The following MECOM variants were observed in gnomAD, a reference collection of about 807,000 sequenced individuals.
MECOM encodes histone-lysine N-methyltransferase MECOM.
A neutral mutation model predicts 116.3 loss-of-function variants in MECOM; 13 were observed. That is an observed-to-expected ratio of 0.11 (90% CI 0.07 to 0.18). The LOEUF (loss-of-function observed/expected upper bound fraction) is 0.18, where lower values mean the gene tolerates loss of function less well. Among genes scored for constraint, MECOM ranks in the 10% least tolerant of loss-of-function variants. The pLI is 1.00. For missense variants in MECOM, 1,299 were observed against 1,509.0 expected (o/e 0.86, Z 2.31); for synonymous variants, 528 against 535.2 (o/e 0.99, Z 0.19).
chr3:169,122,784 C>T (rs1731478596), intron 5 of MECOM, 57 bp from the exon 6 acceptor site: 6 of 1,557,052 alleles, frequency 3.9e-6, no homozygotes, highest in Non-Finnish European at 5.3e-6. Context: ...AACGGAACAA[C>T]ATTTTATTGT....
intron 1 of MECOM, among the ~76,000 whole-genome samples, chr3:169,541,138 C>T (rs1760010442): frequency 6.6e-6 from 1 of 152,210 alleles, no homozygotes; most frequent in South Asian, 2.1e-4. Context: ...TATTAAAATG[C>T]AAACCCTGAT....
chr3:169,191,340 G>A (rs1297435981), intron 2 of MECOM, among the ~76,000 whole-genome samples: 2 of 150,112 alleles, frequency 1.3e-5, no homozygotes, highest in African/African-American at 4.9e-5. Context: ...GAGTAAAGAA[G>A]AGCACCTGCC....
At chr3:169,643,048 A>G (rs1262336602) in intron 1 of MECOM, among the ~76,000 whole-genome samples, 3 of 152,184 alleles carry the variant, frequency 2.0e-5, no homozygotes, top group Non-Finnish European at 4.4e-5. Flanking sequence ...GAGAGCAAAA[A>G]ATATCTACAA....
intron 3 of MECOM, among the ~76,000 whole-genome samples, chr3:169,139,155 C>A (rs1368875473): frequency 6.6e-6 from 1 of 152,130 alleles, no homozygotes; most frequent in Non-Finnish European, 1.5e-5. Context: ...GAGGGGCACT[C>A]ATTCTTCTGT....
chr3:169,565,049 A>G (rs1763067191), intron 1 of MECOM, among the ~76,000 whole-genome samples: 1 of 152,170 alleles, frequency 6.6e-6, no homozygotes, highest in Non-Finnish European at 1.5e-5. Context: ...TACAATCCTT[A>G]CAGCCACCCC....
At chr3:169,528,047 C>G (rs891995824) in intron 1 of MECOM, among the ~76,000 whole-genome samples, 1 of 152,210 alleles carries the variant, frequency 6.6e-6, no homozygotes. Context: ...GATTTGCTGA[C>G]TCCATACCTA....
intron 1 of MECOM, among the ~76,000 whole-genome samples, chr3:169,453,980 C>T (rs921567551): frequency 2.0e-5 from 3 of 152,072 alleles, no homozygotes; most frequent in Non-Finnish European, 4.4e-5. Context: ...GGGTCAGAGC[C>T]TTCCTTTCTT....
chr3:169,234,486 A>G (rs1753786812), intron 2 of MECOM, among the ~76,000 whole-genome samples: 1 of 152,118 alleles, frequency 6.6e-6, no homozygotes, highest in African/African-American at 2.4e-5. Context: ...GAAAAGGGAA[A>G]TAAAAGAAAA....
chr3:169,168,931 TA>T (rs1292255009), intron 2 of MECOM, among the ~76,000 whole-genome samples: 1 of 151,816 alleles, frequency 6.6e-6, no homozygotes, highest in Non-Finnish European at 1.5e-5. Flanking sequence ...AAAATTTAGA[TA>T]AAAATAGAAT....
chr3:169,611,057 C>T lies in MECOM; in HGVS notation c.37+52279G>A, dbSNP rs1454989679. ...CAGCATTTGTTAAAAATTACCCATTCCTGTAGATTCTGAGTCAGTGAGCTG... is the reference window on the plus strand; with the variant it reads ...CAGCATTTGTTAAAAATTACCCATTTCTGTAGATTCTGAGTCAGTGAGCTG... On this transcript the variant is annotated intron_variant, in intron 1 of 16. Transcript: ENST00000651503. The surrounding 1 kb of genome is among the most constrained non-coding windows in gnomAD (Gnocchi z 4.1). 1.3e-5 allele frequency among the ~76,000 whole-genome samples: 2 copies of T among 152,182 alleles called. No homozygotes were observed.
intron 5 of MECOM, among the ~76,000 whole-genome samples, chr3:169,124,013 T>C (rs775809376): frequency 5.9e-5 from 9 of 152,096 alleles, no homozygotes; most frequent in Non-Finnish European, 1.3e-4. Flanking sequence ...AAATAGGCTA[T>C]GAAGGGAAGG....
intron 2 of MECOM, among the ~76,000 whole-genome samples, chr3:169,151,178 C>G (rs1422699518): frequency 6.6e-6 from 1 of 152,104 alleles, no homozygotes; most frequent in Non-Finnish European, 1.5e-5. Context: ...TACATTCCAG[C>G]ACATCATTAA....
At chr3:169,434,050 T>C (rs543365817) in intron 1 of MECOM, among the ~76,000 whole-genome samples, 5 of 152,326 alleles carry the variant, frequency 3.3e-5, no homozygotes, top group African/African-American at 9.6e-5. Context: ...AATTGATAAT[T>C]AAGATTATGT....
intron 1 of MECOM, among the ~76,000 whole-genome samples, chr3:169,492,134 G>C (rs1259005029): frequency 6.6e-6 from 1 of 152,190 alleles, no homozygotes; most frequent in Admixed American, 6.5e-5. Flanking sequence ...TGACCCTACT[G>C]ACTTTGAAGA....
chr3:169,400,348 A>G (rs571135862), intron 1 of MECOM, among the ~76,000 whole-genome samples: 16 of 152,346 alleles, frequency 1.1e-4, no homozygotes, highest in African/African-American at 3.6e-4. Flanking sequence ...ATGTTTACCT[A>G]GAAAAGTCAT....
At chr3:169,364,736 C>T (rs972997252) in intron 2 of MECOM, among the ~76,000 whole-genome samples, 70 of 151,952 alleles carry the variant, frequency 4.6e-4, no homozygotes, top group African/African-American at 1.5e-3. Context: ...TTTATCGCTC[C>T]CAGGTTGGTG....
rs144686668 is a variant in MECOM at position 169,188,547 on chromosome 3, C to A, written c.376-44715G>T. 6.4e-3 allele frequency among the ~76,000 whole-genome samples: 972 copies of A among 151,972 alleles called. 11 individuals carry two copies. Among genetic ancestry groups the A allele is most frequent in the African/African-American group, 0.021 (866 of 41,464 alleles). On this transcript the variant is annotated intron_variant, in intron 2 of 16. Coordinates refer to ENST00000651503, the MANE Select transcript of MECOM (RefSeq NM_004991.4). ...TGGAAAAATAACTATGATGTATGAC[C>A]AAGACACAGTACTCCGGGAGTATTT...
chr3:169,100,987 A>G, intron 11 of MECOM, 25 bp from the exon 12 acceptor site: 1 of 1,573,170 alleles, frequency 6.4e-7, no homozygotes, highest in Non-Finnish European at 8.7e-7. Context: ...TGTTTATAAG[A>G]GAAAGTCAGC....
At chr3:169,176,771 GA>G (rs1406718094) in intron 2 of MECOM, among the ~76,000 whole-genome samples, 1 of 151,664 alleles carries the variant, frequency 6.6e-6, no homozygotes. Flanking sequence ...AAATTTACAA[GA>G]AAAAAACAAA....
Sources: gnomAD v4.1 joint callset for allele counts (sites outside exome capture counted in the v4.1 genomes callset) on GRCh38, gnomAD v4.1.1 for gene constraint, Gnocchi (gnomAD v3.1) non-coding constraint, MANE v1.5 for transcripts, NCBI Gene and HGNC (gene_info 2026-07-23, HGNC 2026-07-21) for gene names.